Variants in EP300 observed in about 807,000 individuals in gnomAD.
The protein encoded by EP300 is histone acetyltransferase p300.
A neutral mutation model predicts 264.0 loss-of-function variants in EP300; 31 were observed. The ratio of observed to expected loss-of-function variants is 0.12; its 90% CI spans 0.09 to 0.16. The LOEUF is 0.16. Among genes scored for constraint, EP300 ranks in the 10% least tolerant of loss-of-function variants. The probability of loss-of-function intolerance (pLI) is 1.00; values close to 1 mark genes in which losing one functional copy is unlikely to be tolerated. For synonymous variants in EP300, 1,340 were observed against 1,045.4 expected, an observed-to-expected ratio of 1.28 and a Z score of -5.44; for missense variants, 2,766 against 3,052.9, an observed-to-expected ratio of 0.91 and a Z score of 2.21.
intron 2 of EP300, among the ~76,000 whole-genome samples, chr22:41,119,359 C>T (rs1174097572): frequency 6.6e-6 from 1 of 151,634 alleles, no homozygotes. Flanking sequence ...GTGTAGTTTA[C>T]TTAGAATATT....
rs776993553 is a variant in EP300, at chr22:41,093,084, C to T, written c.80C>T (p.Ala27Val). 1.2e-6 allele frequency: 2 copies of T among 1,614,138 alleles called. No individual in the cohort carries two copies. The highest frequency in any genetic ancestry group is 3.3e-5 in the Admixed American group (2 of 60,028). Residue 27 changes from alanine to valine, a missense_variant, in exon 1 of 31, where the codon GCC becomes GTC. Coordinates refer to ENST00000263253, the MANE Select transcript of EP300 (RefSeq NM_001429.4). ...KLSSPALSAS[A>V]SDGTDFGSLF... is the part of the protein sequence containing the mutation. ...TCATCTCCGGCCCTCTCGGCGTCCG[C>T]CAGCGATGGCACAGGTTAGTTTCGG...
intron 20 of EP300, 119 bp from the exon 21 acceptor site, chr22:41,162,604 G>A (rs2059113944): frequency 4.0e-6 from 3 of 748,344 alleles, no homozygotes; most frequent in Non-Finnish European, 7.1e-6. Flanking sequence ...CTATTTAAAT[G>A]TGTATTCTTA....
chr22:41,096,636 GAGAC>G (rs1364713117), intron 1 of EP300, among the ~76,000 whole-genome samples: 1 of 43,882 alleles, frequency 2.3e-5, no homozygotes, highest in Non-Finnish European at 4.5e-5. Context: ...TTTTTTTTTT[GAGAC>G]AGAGGTTTGC....
At chr22:41,115,786 T>A (rs933906011) in intron 1 of EP300, among the ~76,000 whole-genome samples, 1 of 152,200 alleles carries the variant, frequency 6.6e-6, no homozygotes, top group Non-Finnish European at 1.5e-5. Flanking sequence ...CTATTCTGGC[T>A]AGACTTTGGT....
At chr22:41,097,027 T>C (rs926017720) in intron 1 of EP300, among the ~76,000 whole-genome samples, 2 of 152,258 alleles carry the variant, frequency 1.3e-5, no homozygotes, top group Admixed American at 6.5e-5. Flanking sequence ...TGATATGCTA[T>C]GTTTTATTTT....
chr22:41,096,655 G>A (rs1007161535), intron 1 of EP300, among the ~76,000 whole-genome samples: 2 of 125,328 alleles, frequency 1.6e-5, no homozygotes, highest in South Asian at 4.8e-4. Flanking sequence ...GTTTGCTCTC[G>A]TTGCCCAGGC....
chr22:41,156,557 C>T (rs1038428700), intron 17 of EP300, among the ~76,000 whole-genome samples: 37 of 152,152 alleles, frequency 2.4e-4, no homozygotes, highest in African/African-American at 8.7e-4. Context: ...CCCATCTCTA[C>T]TAAAAATATA....
At chr22:41,116,826 C>A (rs1462367096) in intron 1 of EP300, among the ~76,000 whole-genome samples, 3 of 152,070 alleles carry the variant, frequency 2.0e-5, no homozygotes, top group Non-Finnish European at 4.4e-5. Context: ...TTTGGAAGGC[C>A]AATGCAGACA....
chr22:41,157,213 T>G lies in EP300; in HGVS notation c.3306T>G (p.Ile1102Met), dbSNP rs1001603740. 1.2e-6 allele frequency: 2 copies of G among 1,614,136 alleles called. No homozygotes were observed. Among genetic ancestry groups the G allele is most frequent in the Non-Finnish European group, 1.7e-6 (2 of 1,180,002 alleles). ...IVKSPMDLST[I>M]KRKLDTGQYQ... ...AGAGCCCCATGGATCTTTCTACCATTAAGAGGAAGTTAGACACTGGACAGT... is the reference window on the plus strand; with the variant it reads ...AGAGCCCCATGGATCTTTCTACCATGAAGAGGAAGTTAGACACTGGACAGT... The change falls in exon 18 of 31, where the codon ATT (isoleucine) becomes ATG (methionine). Residue 1102 changes from isoleucine to methionine, a missense_variant. Ile to Met is a conservative substitution (Grantham distance 10). Coordinates refer to ENST00000263253, the MANE Select transcript of EP300 (RefSeq NM_001429.4).
In EP300 at chr22:41,170,458, A is replaced by G. The variant is rs1448116681; in HGVS notation, c.4339A>G (p.Ile1447Val). 2 of 1,613,994 alleles carry G rather than the reference A, an allele frequency of 1.2e-6. No homozygotes were observed. The highest frequency in any genetic ancestry group is 1.7e-6 in the Non-Finnish European group (2 of 1,180,002). ...TCCACCAAGTGAGGGAGATGATTAT[A>G]TCTTCCATTGCCATCCTCCTGACCA... ...ACPPSEGDDY[I>V]FHCHPPDQKI... Residue 1447 changes from isoleucine (I) to valine (V), a missense_variant, in exon 27 of 31, where the codon ATC becomes GTC. Ile to Val is a conservative substitution (Grantham distance 29). Coordinates refer to ENST00000263253, the MANE Select transcript of EP300 (RefSeq NM_001429.4).
At chr22:41,152,406 G>C (rs2059051855) in intron 16 of EP300, 56 bp downstream of exon 16, 1 of 1,572,410 alleles carries the variant, frequency 6.4e-7, no homozygotes, top group Non-Finnish European at 8.6e-7. Context: ...AAGACCCAGG[G>C]CAGAATTGCG....
At chr22:41,141,837 T>C (rs1031247744) in intron 10 of EP300, among the ~76,000 whole-genome samples, 3 of 151,956 alleles carry the variant, frequency 2.0e-5, no homozygotes, top group African/African-American at 7.3e-5. Flanking sequence ...CCACCACGCC[T>C]GTCTAATTTT....
At position 41,155,131 on chromosome 22, in the gene EP300, C is replaced by T; in HGVS notation, c.3261+18C>T. ...GAATCCCTGTAAGTATTTGGTGGTA[C>T]TTTTGATTTTATTTTTTAATTTGAT... On this transcript the variant is annotated intron_variant, in intron 17 of 30. Coordinates refer to ENST00000263253, the MANE Select transcript of EP300 (RefSeq NM_001429.4). 6.5e-7 allele frequency: 1 copy of T among 1,527,114 alleles called. No individual in the cohort carries two copies. The highest frequency in any genetic ancestry group is 9.1e-7 in the Non-Finnish European group (1 of 1,100,850). 94.6% of individuals were successfully genotyped at this position (1,527,114 alleles called of 1,614,324 possible). A position where few individuals can be genotyped will look rare whatever the true frequency, so the allele number is the denominator to read the frequency against.
At chr22:41,099,609 T>A (rs150776727) in intron 1 of EP300, among the ~76,000 whole-genome samples, 28 of 152,324 alleles carry the variant, frequency 1.8e-4, no homozygotes, top group Admixed American at 1.3e-3. Flanking sequence ...ATAGATTTGA[T>A]CTTTGTAACC....
intron 23 of EP300, among the ~76,000 whole-genome samples, chr22:41,167,584 GTATATATATATATA>G (rs56131556): frequency 0.015 from 501 of 34,308 alleles, 6 homozygotes; most frequent in Middle Eastern, 0.039. Flanking sequence ...GTGTGTGTGT[GTATATATATATATA>G]TATATATATA....
chr22:41,129,856 C>T (rs745472484), intron 4 of EP300, 34 bp from the exon 5 acceptor site: 4 of 1,544,080 alleles, frequency 2.6e-6, no homozygotes, highest in Non-Finnish European at 3.6e-6. Flanking sequence ...AAACATTAAC[C>T]TGCTCTTGAA....
At chr22:41,167,578 G>GTATATATA (rs2059142725) in intron 23 of EP300, among the ~76,000 whole-genome samples, 1 of 27,684 alleles carries the variant, frequency 3.6e-5, no homozygotes, top group Non-Finnish European at 6.6e-5. Context: ...GTGTGTGTGT[G>GTATATATA]TGTGTGTATA....
chr22:41,155,246 G>A, intron 17 of EP300, 133 bp downstream of exon 17: 1 of 806,780 alleles, frequency 1.2e-6, no homozygotes, highest in Admixed American at 2.0e-5. Flanking sequence ...TTTTCCCCCT[G>A]AGACAGGGTC....
chr22:41,168,156 G>A (rs988912196), intron 23 of EP300: 59 of 409,730 alleles, frequency 1.4e-4, no homozygotes, highest in African/African-American at 1.1e-3. Flanking sequence ...TTCCAAAATT[G>A]GAAATTTTTC....
Sources: gnomAD v4.1 joint callset for allele counts (sites outside exome capture counted in the v4.1 genomes callset) on GRCh38, gnomAD v4.1.1 for gene constraint, MANE v1.5 for transcripts, NCBI Gene and HGNC (gene_info 2026-07-23, HGNC 2026-07-21) for gene names.